Variants in NT5DC1 observed in about 807,000 individuals in gnomAD.
NT5DC1 encodes 5'-nucleotidase domain containing 1, also known as 5'-nucleotidase domain-containing protein 1.
NT5DC1 carries 42 observed loss-of-function variants against 59.4 expected under a neutral mutation model. The ratio of observed to expected loss-of-function variants is 0.71; its 90% CI spans 0.55 to 0.92. The LOEUF (loss-of-function observed/expected upper bound fraction) is 0.92. NT5DC1 is among the 40% of genes least tolerant of loss of function. NT5DC1 has a pLI of 0.00. For missense variants in NT5DC1, 501 were observed against 537.1 expected (o/e 0.93, Z 0.66); for synonymous variants, 172 against 188.1 (o/e 0.91, Z 0.70).
intron 6 of NT5DC1, chr6:116,121,879 T>G: frequency 6.2e-7 from 1 of 1,614,024 alleles, no homozygotes. Context: ...GTTTTCCTGG[T>G]GGTCCAGAAG....
intron 3 of NT5DC1, among the ~76,000 whole-genome samples, chr6:116,109,670 C>T (rs1778835376): frequency 6.6e-6 from 1 of 152,188 alleles, no homozygotes; most frequent in Admixed American, 6.5e-5. Flanking sequence ...GATCATATTT[C>T]CCATTCAGGA....
chr6:116,125,442 A>G, intron 6 of NT5DC1: 4 of 1,613,870 alleles, frequency 2.5e-6, no homozygotes, highest in East Asian at 4.5e-5. Context: ...AAAACACTCC[A>G]TGAACCAAGT....
intron 4 of NT5DC1, among the ~76,000 whole-genome samples, chr6:116,112,356 G>A (rs1282985087): frequency 6.6e-6 from 1 of 151,922 alleles, no homozygotes; most frequent in African/African-American, 2.4e-5. Context: ...ATGGAAGAAG[G>A]AAAAAAATGG....
chr6:116,116,828 A>G (rs1778973998), intron 5 of NT5DC1, among the ~76,000 whole-genome samples: 1 of 152,244 alleles, frequency 6.6e-6, no homozygotes, highest in Non-Finnish European at 1.5e-5. Flanking sequence ...AGGAAAGTGT[A>G]TCAGTCTTTA....
At chr6:116,238,088 A>C in intron 9 of NT5DC1, 99 bp from the exon 10 acceptor site, 1 of 793,808 alleles carries the variant, frequency 1.3e-6, no homozygotes, top group Non-Finnish European at 2.0e-6. Flanking sequence ...TGATTGTCAT[A>C]CTCTGATGCC....
At chr6:116,102,850 C>T (rs946849314) in intron 1 of NT5DC1, among the ~76,000 whole-genome samples, 3 of 152,226 alleles carry the variant, frequency 2.0e-5, no homozygotes, top group East Asian at 3.9e-4. Context: ...GTCTTGGTCC[C>T]TTGTGGTGGG....
chr6:116,136,595 A>T (rs994160247), intron 6 of NT5DC1, among the ~76,000 whole-genome samples: 3 of 152,196 alleles, frequency 2.0e-5, no homozygotes, highest in African/African-American at 7.2e-5. Context: ...CACTTACTAT[A>T]AATTGCTGTT....
chr6:116,117,191 A>G (rs1346784755), intron 5 of NT5DC1, among the ~76,000 whole-genome samples: 1 of 152,188 alleles, frequency 6.6e-6, no homozygotes, highest in African/African-American at 2.4e-5. Flanking sequence ...CAGAAATTAT[A>G]TAACACTATG....
chr6:116,207,611 T>TG (rs958419853), intron 6 of NT5DC1, among the ~76,000 whole-genome samples: 5 of 151,990 alleles, frequency 3.3e-5, no homozygotes, highest in Non-Finnish European at 1.5e-5. Context: ...ATAAACTTGT[T>TG]GCATTAGATT....
intron 6 of NT5DC1, among the ~76,000 whole-genome samples, chr6:116,127,748 T>C (rs1779358136): frequency 6.6e-6 from 1 of 152,176 alleles, no homozygotes; most frequent in Admixed American, 6.5e-5. Flanking sequence ...GTGATACACA[T>C]GCACACACAT....
chr6:116,220,960 A>G (rs1781786882), intron 6 of NT5DC1, 94 bp from the exon 7 acceptor site: 1 of 648,358 alleles, frequency 1.5e-6, no homozygotes, highest in Non-Finnish European at 2.7e-6. Context: ...TTTTAGTTTT[A>G]TCTATAGATT....
Position 116,247,764 on chromosome 6 carries a change from T to C in NT5DC1, c.*3740T>C, listed in dbSNP as rs1349464570. 6.6e-6 allele frequency: 1 copy of C among 152,178 alleles called. No homozygotes were observed. Among genetic ancestry groups the C allele is most frequent in the East Asian group, 1.9e-4 (1 of 5,194 alleles). The allele number at this position is 152,178 out of a possible 1,614,324, so 9.4% of individuals were successfully genotyped here. ...TTAATAAAGAAAAGGAATAAATTAC[T>C]ATCTAAATGTGTTAAAAGCAATCAC... On this transcript the variant is annotated 3_prime_UTR_variant, in exon 12 of 12. Transcript: ENST00000319550.
chr6:116,125,635 G>A (rs1779279655), intron 6 of NT5DC1: 4 of 754,416 alleles, frequency 5.3e-6, no homozygotes, highest in South Asian at 1.8e-5. Context: ...TTTTTAATAT[G>A]TGCCATAAAT....
At chr6:116,135,260 A>G (rs1779559862) in intron 6 of NT5DC1, among the ~76,000 whole-genome samples, 1 of 152,200 alleles carries the variant, frequency 6.6e-6, no homozygotes, top group Non-Finnish European at 1.5e-5. Flanking sequence ...TGAGTATTAG[A>G]TAAATATTTT....
intron 10 of NT5DC1, 116 bp downstream of exon 10, chr6:116,238,464 T>TAAAAAAAAAAAAAAAAAAAA (rs56266433): frequency 4.0e-6 from 1 of 248,834 alleles, no homozygotes; most frequent in Non-Finnish European, 7.2e-6. Flanking sequence ...ACCATCATGT[T>TAAAAAAAAAAAAAAAAAAAA]AAAAAAAAAA....
chr6:116,178,104 T>C (rs12179660), intron 6 of NT5DC1, among the ~76,000 whole-genome samples: 12,097 of 100,424 alleles, frequency 0.12, 530 homozygotes, highest in Middle Eastern at 0.19. Context: ...CGCGCGCGCG[T>C]GCGTGCGTGT....
chr6:116,214,876 A>G (rs191341916), intron 6 of NT5DC1, among the ~76,000 whole-genome samples: 10 of 152,076 alleles, frequency 6.6e-5, no homozygotes, highest in African/African-American at 7.2e-5. Flanking sequence ...GACTCAAGCA[A>G]CTCTAAGATT....
At chr6:116,155,250 A>G (rs552278241) in intron 6 of NT5DC1, among the ~76,000 whole-genome samples, 1 of 152,308 alleles carries the variant, frequency 6.6e-6, no homozygotes, top group South Asian at 2.1e-4. Context: ...TACATGTTAT[A>G]TAGTTTCCTA....
In NT5DC1 at chr6:116,124,401, C is replaced by A. The variant is rs1779230498; in HGVS notation, c.529+6456C>A. Among the ~76,000 whole-genome samples the A allele has an allele frequency of 2.6e-5, 4 of 152,156 alleles. No individual in the cohort carries two copies. The South Asian group carries it at 8.3e-4, about 32-fold the overall frequency. On this transcript the variant is annotated intron_variant, in intron 6 of 11. Coordinates refer to ENST00000319550, the MANE Select transcript of NT5DC1 (RefSeq NM_152729.3). ...TTAAATAAAATTAGTGAATATGAGG[C>A]CTAGAAGTTGCCCTCCTTTGAGAAC...
Sources: allele counts gnomAD v4.1 joint callset (sites outside exome capture counted in the v4.1 genomes callset), GRCh38; gene constraint gnomAD v4.1.1; transcripts MANE v1.5; gene names NCBI Gene and HGNC (gene_info 2026-07-23, HGNC 2026-07-21).